The following IQCK variants were observed in gnomAD, a reference collection of about 807,000 sequenced individuals.
The protein encoded by IQCK is IQ domain-containing protein K.
In IQCK, 29 loss-of-function variants were observed where a neutral mutation model predicts 28.1. The ratio of observed to expected loss-of-function variants is 1.03; its 90% CI spans 0.77 to 1.41. The LOEUF (loss-of-function observed/expected upper bound fraction) is 1.41, where lower values mean the gene tolerates loss of function less well. IQCK is among the 40% of genes most tolerant of loss of function. The pLI is 0.00. For synonymous variants in IQCK, 113 were observed against 115.1 expected (o/e 0.98, Z 0.12); for missense variants, 359 against 314.7 (o/e 1.14, Z -1.07).
At position 19,718,356 on chromosome 16, in the gene IQCK, G is replaced by C. The variant is rs143314231; in HGVS notation, c.50G>C (p.Ser17Thr). 77 of 1,610,158 alleles carry C rather than the reference G, an allele frequency of 4.8e-5. 1 individual carries two copies. In the African/African-American group the frequency reaches 9.3e-4, roughly 20 times the overall value. ...AGCCACATAGTGCGCCTCAAGCCCA[G>C]CTGCTCTACAGACTCGTCGTTCACC... Residue 17 changes from serine to threonine, a missense_variant, in exon 1 of 8, where the codon AGC becomes ACC. Transcript: ENST00000564186.
At chr16:19,812,038 A>C (rs1170094613) in intron 7 of IQCK, among the ~76,000 whole-genome samples, 2 of 147,074 alleles carry the variant, frequency 1.4e-5, no homozygotes, top group East Asian at 4.0e-4. Context: ...CCCAGACTAG[A>C]GTACAGTGGT....
At chr16:19,822,814 A>G (rs1473998410) in intron 7 of IQCK, among the ~76,000 whole-genome samples, 2 of 152,228 alleles carry the variant, frequency 1.3e-5, no homozygotes, top group African/African-American at 4.8e-5. Context: ...ACTGAACTGT[A>G]TACTTTAAAA....
At chr16:19,730,491 T>C (rs1162982753) in exon 2 of IQCK, 1 of 1,606,538 alleles carries the variant, frequency 6.2e-7, no homozygotes, top group Admixed American at 1.7e-5. Context: ...AGCCTGTGAT[T>C]ACGGTGAGTA....
chr16:19,724,477 C>T (rs963442347), intron 1 of IQCK, among the ~76,000 whole-genome samples: 6 of 152,076 alleles, frequency 3.9e-5, no homozygotes, highest in African/African-American at 1.4e-4. Flanking sequence ...CTGTTCCATC[C>T]CCTTCCAATA....
intron 6 of IQCK, among the ~76,000 whole-genome samples, chr16:19,767,077 T>C (rs908171055): frequency 6.6e-6 from 1 of 152,094 alleles, no homozygotes; most frequent in African/African-American, 2.4e-5. Flanking sequence ...AACAGGGGGA[T>C]GTGGCTCGCT....
At chr16:19,746,335 C>A (rs1194851043) in intron 4 of IQCK, among the ~76,000 whole-genome samples, 4 of 151,232 alleles carry the variant, frequency 2.6e-5, no homozygotes, top group African/African-American at 9.8e-5. Flanking sequence ...TACAAACAAT[C>A]CAATTACATA....
intron 1 of IQCK, among the ~76,000 whole-genome samples, chr16:19,724,375 T>C (rs6497396): frequency 0.34 from 52,035 of 152,036 alleles, 13,951 homozygotes; most frequent in African/African-American, 0.75. Flanking sequence ...TCCTCTGCCC[T>C]GTTCATGTGG....
chr16:19,842,764 T>C (rs1219586380), intron 9 of IQCK, among the ~76,000 whole-genome samples: 1 of 152,234 alleles, frequency 6.6e-6, no homozygotes, highest in East Asian at 1.9e-4. Flanking sequence ...CTCTTCACGC[T>C]TGGTTTTCTT....
chr16:19,803,276 G>T (rs1202424999), intron 7 of IQCK, among the ~76,000 whole-genome samples: 1 of 152,110 alleles, frequency 6.6e-6, no homozygotes, highest in African/African-American at 2.4e-5. Context: ...CGGAGTAGCT[G>T]GGATTACAGG....
chr16:19,751,892 T>A (rs2054991943), intron 4 of IQCK, among the ~76,000 whole-genome samples: 1 of 152,164 alleles, frequency 6.6e-6, no homozygotes, highest in African/African-American at 2.4e-5. Context: ...CCGATTATAG[T>A]TATAGCTGCC....
exon 4 of IQCK, chr16:19,735,354 T>C: frequency 6.2e-7 from 1 of 1,611,624 alleles, no homozygotes; most frequent in Non-Finnish European, 8.5e-7. Context: ...TTGTTTTAGG[T>C]TCTCCCAAAG....
downstream of IQCK, among the ~76,000 whole-genome samples, chr16:19,829,784 G>A (rs1341634684): frequency 6.6e-6 from 1 of 152,168 alleles, no homozygotes; most frequent in Non-Finnish European, 1.5e-5. Flanking sequence ...TTAGGTTGGT[G>A]CAAGAATAAT....
intron 4 of IQCK, among the ~76,000 whole-genome samples, chr16:19,751,338 A>T (rs1249764666): frequency 2.0e-5 from 3 of 152,080 alleles, no homozygotes; most frequent in African/African-American, 7.2e-5. Context: ...GAAATTAGCC[A>T]GGCAGTGCCA....
At chr16:19,783,666 C>T (rs1308016967) in intron 6 of IQCK, among the ~76,000 whole-genome samples, 1 of 152,178 alleles carries the variant, frequency 6.6e-6, no homozygotes, top group African/African-American at 2.4e-5. Flanking sequence ...ATTCCCAGGA[C>T]TACTCTTCGA....
chr16:19,719,856 A>G (rs1434637490), intron 1 of IQCK, among the ~76,000 whole-genome samples: 1 of 151,388 alleles, frequency 6.6e-6, no homozygotes, highest in Non-Finnish European at 1.5e-5. Context: ...TTATTTTTGT[A>G]GAGAAGGGGT....
downstream of IQCK, among the ~76,000 whole-genome samples, chr16:19,828,693 A>G (rs572947922): frequency 1.0e-4 from 15 of 149,536 alleles, no homozygotes; most frequent in African/African-American, 3.7e-4. Context: ...CCTGGCCAAC[A>G]TGGTGAAACC....
chr16:19,742,003 A>G (rs1380128930), intron 4 of IQCK, among the ~76,000 whole-genome samples: 3 of 152,120 alleles, frequency 2.0e-5, no homozygotes, highest in African/African-American at 7.2e-5. Flanking sequence ...AACAAAAACA[A>G]CAACAAACTT....
chr16:19,742,783 TTTTC>T (rs2054855614), intron 4 of IQCK, among the ~76,000 whole-genome samples: 1 of 152,256 alleles, frequency 6.6e-6, no homozygotes, highest in Admixed American at 6.5e-5. Flanking sequence ...TTTTTCTGTT[TTTTC>T]TTTCTATGAC....
In IQCK at chr16:19,735,436, GA is replaced by G. The variant is rs1392189603; in HGVS notation, c.465del (p.Lys155AsnfsTer16). The G allele has an allele frequency of 6.2e-7, 1 of 1,612,260 alleles. No individual in the cohort carries two copies. Among genetic ancestry groups the G allele is most frequent in the African/African-American group, 1.3e-5 (1 of 74,900 alleles). On this transcript the variant is annotated frameshift_variant, in exon 4 of 8. Transcript: ENST00000564186. LOFTEE classifies it high-confidence loss of function. ...TAGCCTGCTTCACCAAGCGAAGAAAGAAAAATGTTTTGAGGTCAGTTGTTTG... is the reference window on the plus strand; with the variant it reads ...TAGCCTGCTTCACCAAGCGAAGAAAGAAAATGTTTTGAGGTCAGTTGTTTG...
Sources: gnomAD v4.1 joint callset for allele counts (sites outside exome capture counted in the v4.1 genomes callset) on GRCh38, gnomAD v4.1.1 for gene constraint, MANE v1.5 for transcripts, NCBI Gene and HGNC (gene_info 2026-07-23, HGNC 2026-07-21) for gene names.